Variants in ZHX2 observed in about 807,000 individuals in gnomAD.
The protein encoded by ZHX2 is zinc fingers and homeoboxes 2.
ZHX2 carries 6 observed loss-of-function variants against 21.9 expected under a neutral mutation model. The observed-to-expected ratio is 0.27, with a 90% CI of 0.15 to 0.54. The LOEUF (loss-of-function observed/expected upper bound fraction) is 0.54, where lower values mean the gene tolerates loss of function less well. ZHX2 is among the 20% of genes least tolerant of loss of function. The probability of loss-of-function intolerance (pLI) is 0.95; values close to 1 mark genes in which losing one functional copy is unlikely to be tolerated. For synonymous variants in ZHX2, 434 were observed against 437.1 expected, an observed-to-expected ratio of 0.99 and a Z score of 0.09; for missense variants, 908 against 1,090.7, an observed-to-expected ratio of 0.83 and a Z score of 2.36.
intron 1 of ZHX2, among the ~76,000 whole-genome samples, chr8:122,794,272 A>G (rs1222483798): frequency 7.7e-6 from 1 of 130,094 alleles, no homozygotes; most frequent in Non-Finnish European, 1.8e-5. Flanking sequence ...TTTTTTTTCC[A>G]TCTTTTTTTT....
chr8:122,792,688 G>T (rs1200972808), intron 1 of ZHX2, among the ~76,000 whole-genome samples: 1 of 152,178 alleles, frequency 6.6e-6, no homozygotes, highest in African/African-American at 2.4e-5. Flanking sequence ...GCACAGAGAA[G>T]GGAGGGTCCC....
At chr8:122,825,608 C>T (rs1283947524) in intron 1 of ZHX2, among the ~76,000 whole-genome samples, 1 of 152,164 alleles carries the variant, frequency 6.6e-6, no homozygotes, top group Non-Finnish European at 1.5e-5. Context: ...TGAAGATATG[C>T]CTCTGTCAAC....
intron 2 of ZHX2, among the ~76,000 whole-genome samples, chr8:122,889,175 C>A (rs1819917326): frequency 6.6e-6 from 1 of 152,092 alleles, no homozygotes; most frequent in Admixed American, 6.5e-5. Flanking sequence ...GTGAATAGTG[C>A]TGCAATAAAC....
chr8:122,847,593 C>T (rs1419137154), intron 1 of ZHX2, among the ~76,000 whole-genome samples: 1 of 152,254 alleles, frequency 6.6e-6, no homozygotes, highest in Non-Finnish European at 1.5e-5. Context: ...CCCTGACACA[C>T]TGTACAGCTG....
chr8:122,829,197 C>A (rs117202414), intron 1 of ZHX2, among the ~76,000 whole-genome samples: 1 of 152,204 alleles, frequency 6.6e-6, no homozygotes, highest in South Asian at 2.1e-4. Context: ...AAAGCCACAC[C>A]GCTGGTAAAT....
intron 1 of ZHX2, among the ~76,000 whole-genome samples, chr8:122,851,955 G>A (rs776806841): frequency 6.6e-5 from 10 of 152,230 alleles, no homozygotes; most frequent in East Asian, 1.9e-4. Flanking sequence ...GACAGCGGCC[G>A]TGCTTGCAAC....
In ZHX2 at chr8:122,816,700, A is replaced by G. The variant is rs1257047608; in HGVS notation, c.-283+34754A>G. Reference sequence around the variant, plus strand: ...CTTACAAAAGTCATATGCAGCCTTTACAAATATTAGCTCAGTCATTTTCAG... The same window carrying G: ...CTTACAAAAGTCATATGCAGCCTTTGCAAATATTAGCTCAGTCATTTTCAG... On this transcript the variant is annotated intron_variant, in intron 1 of 3. Transcript: ENST00000314393. Among the ~76,000 whole-genome samples, 3 of 152,080 alleles carry G rather than the reference A, an allele frequency of 2.0e-5. No homozygotes were observed. The East Asian group carries it at 5.8e-4, about 29-fold the overall frequency.
intron 2 of ZHX2, among the ~76,000 whole-genome samples, chr8:122,889,384 C>T (rs1676244080): frequency 6.6e-6 from 1 of 152,168 alleles, no homozygotes; most frequent in Admixed American, 6.5e-5. Flanking sequence ...TCCTCACCAG[C>T]ATTTGTTATT....
At chr8:122,786,987 AC>A (rs1296766982) in intron 1 of ZHX2, among the ~76,000 whole-genome samples, 1 of 117,200 alleles carries the variant, frequency 8.5e-6, no homozygotes, top group Non-Finnish European at 1.7e-5. Context: ...TAATGCCCCC[AC>A]CCTACATTGA....
intron 2 of ZHX2, among the ~76,000 whole-genome samples, chr8:122,899,074 G>C (rs1820165598): frequency 6.6e-6 from 1 of 152,210 alleles, no homozygotes; most frequent in Non-Finnish European, 1.5e-5. Flanking sequence ...CACCTATGCA[G>C]CAAATGTGTA....
At chr8:122,804,753 C>T (rs1406073367) in intron 1 of ZHX2, among the ~76,000 whole-genome samples, 2 of 152,190 alleles carry the variant, frequency 1.3e-5, no homozygotes, top group African/African-American at 4.8e-5. Context: ...AACTGAGGTT[C>T]TGGGAGGTCA....
At chr8:122,813,756 T>A (rs571075686) in intron 1 of ZHX2, among the ~76,000 whole-genome samples, 2 of 152,368 alleles carry the variant, frequency 1.3e-5, no homozygotes, top group South Asian at 4.1e-4. Context: ...AGGATTTCCT[T>A]TGAGCATCAT....
chr8:122,933,856 T>C (rs4870828), intron 2 of ZHX2, among the ~76,000 whole-genome samples: 95,235 of 152,014 alleles, frequency 0.63, 29,940 homozygotes, highest in Admixed American at 0.69. Flanking sequence ...TACTCTTTCT[T>C]ACACACTAAT....
At chr8:122,906,303 A>G (rs1241498825) in intron 2 of ZHX2, among the ~76,000 whole-genome samples, 3 of 152,248 alleles carry the variant, frequency 2.0e-5, no homozygotes, top group South Asian at 2.1e-4. Context: ...TCAAGGATCT[A>G]TTACATTTAA....
chr8:122,795,549 C>CTT (rs11325812), intron 1 of ZHX2, among the ~76,000 whole-genome samples: 1 of 149,578 alleles, frequency 6.7e-6, no homozygotes, highest in African/African-American at 2.5e-5. Context: ...CAATAGTAAA[C>CTT]TTTTTTTTTT....
At chr8:122,933,405 A>AGAAT (rs10623496) in intron 2 of ZHX2, among the ~76,000 whole-genome samples, 94,655 of 151,462 alleles carry the variant, frequency 0.62, 29,635 homozygotes, top group Admixed American at 0.69. Flanking sequence ...ACATAAAACC[A>AGAAT]TGATTGTTTC....
At chr8:122,884,942 G>A (rs532980160) in intron 2 of ZHX2, among the ~76,000 whole-genome samples, 14 of 152,308 alleles carry the variant, frequency 9.2e-5, no homozygotes, top group Admixed American at 5.9e-4. Flanking sequence ...CATTGGAGCC[G>A]GGGAGTGATG....
chr8:122,823,952 C>G (rs1388071182), intron 1 of ZHX2, among the ~76,000 whole-genome samples: 1 of 152,202 alleles, frequency 6.6e-6, no homozygotes, highest in African/African-American at 2.4e-5. Context: ...TCCCTGGCAC[C>G]TAGAACACTG....
At chr8:122,940,336 T>A (rs1812810406) in intron 2 of ZHX2, among the ~76,000 whole-genome samples, 2 of 152,206 alleles carry the variant, frequency 1.3e-5, no homozygotes, top group South Asian at 4.1e-4. Context: ...TGGTTTGGAG[T>A]AAATGAGTAA....
Sources: allele counts gnomAD v4.1 joint callset (sites outside exome capture counted in the v4.1 genomes callset), GRCh38; gene constraint gnomAD v4.1.1; transcripts MANE v1.5; gene names NCBI Gene and HGNC (gene_info 2026-07-23, HGNC 2026-07-21).